Variants in ARHGAP19 observed in about 807,000 individuals in gnomAD.
ARHGAP19 encodes the protein Rho GTPase activating protein 19, also known as rho GTPase-activating protein 19.
A neutral mutation model predicts 60.9 loss-of-function variants in ARHGAP19; 48 were observed. The ratio of observed to expected loss-of-function variants is 0.79; its 90% CI spans 0.62 to 1.00. The LOEUF is 1.00. ARHGAP19 is among the 50% of genes least tolerant of loss of function. The probability of loss-of-function intolerance (pLI) is 0.00; values close to 1 mark genes in which losing one functional copy is unlikely to be tolerated. For missense variants in ARHGAP19, 562 were observed against 597.2 expected (o/e 0.94, Z 0.61); for synonymous variants, 209 against 215.5 (o/e 0.97, Z 0.27).
At chr10:97,280,232 C>G (rs1469462462) in intron 1 of ARHGAP19, among the ~76,000 whole-genome samples, 1 of 151,930 alleles carries the variant, frequency 6.6e-6, no homozygotes, top group Admixed American at 6.6e-5. Context: ...CATAGTGAAA[C>G]CCCATCTCTA....
At chr10:97,280,752 G>T (rs972212963) in intron 1 of ARHGAP19, among the ~76,000 whole-genome samples, 2 of 151,976 alleles carry the variant, frequency 1.3e-5, no homozygotes, top group African/African-American at 4.8e-5. Flanking sequence ...CACCACACCT[G>T]GCTAATTTTT....
At chr10:97,232,486 G>GT (rs1266250025) in intron 9 of ARHGAP19, among the ~76,000 whole-genome samples, 6 of 152,018 alleles carry the variant, frequency 3.9e-5, no homozygotes, top group African/African-American at 1.4e-4. Context: ...TAATGAGGTT[G>GT]TTTTTGCTGT....
chr10:97,246,128 T>C (rs1053647740), intron 7 of ARHGAP19, 144 bp downstream of exon 7: 5 of 665,060 alleles, frequency 7.5e-6, no homozygotes, highest in Non-Finnish European at 1.3e-5. Flanking sequence ...TTCTTCATTA[T>C]GGCAAAATGA....
At chr10:97,262,764 G>A (rs936735260) in intron 4 of ARHGAP19, among the ~76,000 whole-genome samples, 1 of 151,962 alleles carries the variant, frequency 6.6e-6, no homozygotes, top group African/African-American at 2.4e-5. Flanking sequence ...CAAAAATACC[G>A]AACCTATAAA....
intron 1 of ARHGAP19, among the ~76,000 whole-genome samples, chr10:97,287,070 C>A (rs1271812256): frequency 6.6e-6 from 1 of 152,146 alleles, no homozygotes; most frequent in African/African-American, 2.4e-5. Flanking sequence ...ACCTTAGCCT[C>A]CCAAGTAGCT....
In ARHGAP19 at chr10:97,259,433, A is replaced by AT; in HGVS notation, c.808dup (p.Met270AsnfsTer16). 1 of 1,614,166 alleles carries AT rather than the reference A, an allele frequency of 6.2e-7. No individual in the cohort carries two copies. Among genetic ancestry groups the AT allele is most frequent in the Non-Finnish European group, 8.5e-7 (1 of 1,180,018 alleles). ...TGGCCACAGGACATGGGGTGCAAAC[A>AT]TAAGGGCAAGGTTATAGGCTGACAT... On this transcript the variant is annotated frameshift_variant, in exon 5 of 12. Transcript: ENST00000358531. LOFTEE classifies it high-confidence loss of function.
rs896316844 is a variant in ARHGAP19, at chr10:97,228,281, T to C, written c.1474+866A>G. 3.9e-5 allele frequency among the ~76,000 whole-genome samples: 6 copies of C among 152,238 alleles called. No homozygotes were observed. The South Asian group carries it at 1.2e-3, about 31-fold the overall frequency. ...ATATCCCAGTGATAAAACAATCATG[T>C]CAAACCAGACTCACTTCAGCTGCCA... is the stretch of plus-strand genomic sequence containing the variant. On this transcript the variant is annotated intron_variant, in intron 11 of 11. Coordinates refer to ENST00000358531, the MANE Select transcript of ARHGAP19 (RefSeq NM_032900.6).
In ARHGAP19 at chr10:97,265,956, A is replaced by T; in HGVS notation, c.226T>A (p.Leu76Met). The T allele has an allele frequency of 3.7e-6, 6 of 1,614,090 alleles. No homozygotes were observed. Among genetic ancestry groups the T allele is most frequent in the Non-Finnish European group, 5.1e-6 (6 of 1,180,024 alleles). ...TCCACTTCCCCCATCAGCTGAGCCAACTCAGTTCCAGGTAAATCGATGAGC... is the reference window on the plus strand; with the variant it reads ...TCCACTTCCCCCATCAGCTGAGCCATCTCAGTTCCAGGTAAATCGATGAGC... ...TRLIDLPGTE[L>M]AQLMGEVDLK... Residue 76 changes from leucine to methionine, a missense_variant, in exon 2 of 12, where the codon TTG becomes ATG. Transcript: ENST00000358531.
intron 8 of ARHGAP19, among the ~76,000 whole-genome samples, chr10:97,241,220 G>A (rs1182411712): frequency 6.6e-6 from 1 of 152,082 alleles, no homozygotes; most frequent in South Asian, 2.1e-4. Context: ...CTACTCGGGG[G>A]AGGCTGAAGC....
intron 8 of ARHGAP19, among the ~76,000 whole-genome samples, chr10:97,240,204 AT>A (rs560858721): frequency 1.3e-5 from 2 of 152,204 alleles, no homozygotes; most frequent in East Asian, 1.9e-4. Flanking sequence ...AGCCAAAAAA[AT>A]AATGCATATT....
At chr10:97,230,542 A>T (rs904583223) in intron 9 of ARHGAP19, among the ~76,000 whole-genome samples, 23 of 152,224 alleles carry the variant, frequency 1.5e-4, no homozygotes, top group Non-Finnish European at 1.5e-5. Flanking sequence ...CCATCTTTGG[A>T]GAAATTTTTT....
intron 1 of ARHGAP19, among the ~76,000 whole-genome samples, chr10:97,288,373 A>C: frequency 6.6e-6 from 1 of 152,090 alleles, no homozygotes; most frequent in South Asian, 2.1e-4. Context: ...TGAGGTCAAG[A>C]GATGGAGAAC....
At chr10:97,256,514 C>G in intron 5 of ARHGAP19, 110 bp from the exon 6 acceptor site, 1 of 747,530 alleles carries the variant, frequency 1.3e-6, no homozygotes, top group Admixed American at 2.4e-5. Context: ...AGCCTAGGTG[C>G]CTCTAATACA....
Position 97,256,405 on chromosome 10 carries a change from C to A in ARHGAP19, c.841-1G>T. ...TCTCCTGAAGGTCATTTGCAGTGAC[C>A]TATTCAGAGGAAAAGAAACCAAACA... On this transcript the variant is annotated splice_acceptor_variant, in intron 5 of 11. Transcript: ENST00000358531. LOFTEE classifies it high-confidence loss of function. 2.5e-6 allele frequency: 4 copies of A among 1,610,738 alleles called. No homozygotes were observed. Among genetic ancestry groups the A allele is most frequent in the South Asian group, 1.1e-5 (1 of 90,984 alleles).
At chr10:97,253,562 C>T (rs1193012725) in intron 6 of ARHGAP19, among the ~76,000 whole-genome samples, 2 of 151,964 alleles carry the variant, frequency 1.3e-5, no homozygotes, top group Non-Finnish European at 2.9e-5. Flanking sequence ...GAAATATGTT[C>T]TAACACTTAA....
At chr10:97,264,967 C>T (rs897977418) in intron 2 of ARHGAP19, 61 bp from the exon 3 acceptor site, 5 of 1,237,156 alleles carry the variant, frequency 4.0e-6, no homozygotes, top group East Asian at 4.7e-5. Context: ...AATCATCATA[C>T]CTAAAACCAC....
chr10:97,264,445 C>A, intron 3 of ARHGAP19, among the ~76,000 whole-genome samples: 1 of 78,182 alleles, frequency 1.3e-5, no homozygotes, highest in African/African-American at 4.0e-5. Context: ...AGAACGAGAC[C>A]TTGTCTCAAA....
At chr10:97,257,602 T>G (rs1842773630) in intron 5 of ARHGAP19, among the ~76,000 whole-genome samples, 1 of 152,100 alleles carries the variant, frequency 6.6e-6, no homozygotes, top group Non-Finnish European at 1.5e-5. Flanking sequence ...CACTACTTCT[T>G]TTTATAACCA....
intron 1 of ARHGAP19, among the ~76,000 whole-genome samples, 162 bp downstream of exon 1, chr10:97,292,410 G>A (rs1422322629): frequency 6.6e-6 from 1 of 152,150 alleles, no homozygotes. Context: ...CAGCGCCCAG[G>A]CCCGACCCCC....
Sources: gnomAD v4.1 joint callset for allele counts (sites outside exome capture counted in the v4.1 genomes callset) on GRCh38, gnomAD v4.1.1 for gene constraint, MANE v1.5 for transcripts, NCBI Gene and HGNC (gene_info 2026-07-23, HGNC 2026-07-21) for gene names.